The following ZNF292 variants were observed in gnomAD, a reference collection of about 807,000 sequenced individuals.
The protein encoded by ZNF292 is zinc finger protein 292.
Under a neutral mutation model 217.9 loss-of-function variants are expected in ZNF292, and 26 were observed. The observed-to-expected ratio is 0.12, with a 90% CI of 0.09 to 0.17. The LOEUF (loss-of-function observed/expected upper bound fraction) is 0.17. Ranked by LOEUF, ZNF292 falls within the 10% of genes least tolerant of loss-of-function variation. The pLI, the probability that ZNF292 is intolerant of heterozygous loss-of-function variation, is 1.00. For synonymous variants in ZNF292, 1,257 were observed against 1,124.1 expected (o/e 1.12, Z -2.37); for missense variants, 2,904 against 3,175.2 (o/e 0.91, Z 2.05).
intron 7 of ZNF292, among the ~76,000 whole-genome samples, chr6:87,251,190 A>T (rs758585540): frequency 2.6e-5 from 4 of 152,218 alleles, no homozygotes; most frequent in Non-Finnish European, 4.4e-5. Context: ...AAAAGAGGAA[A>T]CTAGAACAGA....
intron 1 of ZNF292, among the ~76,000 whole-genome samples, chr6:87,196,001 C>A (rs965738762): frequency 6.8e-6 from 1 of 147,818 alleles, no homozygotes; most frequent in African/African-American, 2.5e-5. Flanking sequence ...GCACTCCAGC[C>A]TGGGCAGCAG....
intron 7 of ZNF292, chr6:87,249,314 A>T (rs1019280780): frequency 8.3e-6 from 3 of 361,338 alleles, no homozygotes; most frequent in African/African-American, 4.3e-5. Flanking sequence ...TTTTGTAGAG[A>T]TGGGGTCTCA....
At chr6:87,198,111 G>T (rs1207594333) in intron 1 of ZNF292, among the ~76,000 whole-genome samples, 1 of 152,148 alleles carries the variant, frequency 6.6e-6, no homozygotes, top group Admixed American at 6.5e-5. Context: ...CTAGAGATCT[G>T]TGTAACAGAT....
At chr6:87,193,202 T>G (rs1363902941) in intron 1 of ZNF292, among the ~76,000 whole-genome samples, 1 of 152,034 alleles carries the variant, frequency 6.6e-6, no homozygotes, top group Non-Finnish European at 1.5e-5. Context: ...ATCTTAAAGT[T>G]TTTGAACACC....
chr6:87,257,200 A>G lies in ZNF292; in HGVS notation c.3571A>G (p.Ile1191Val), dbSNP rs771958477. 1.9e-6 allele frequency: 3 copies of G among 1,613,786 alleles called. No individual in the cohort carries two copies. The highest frequency in any genetic ancestry group is 1.7e-5 in the Admixed American group (1 of 59,950). The part of the protein sequence containing the change: ...SAQLQHVSPP[I>V]FPAHLASVST... ...CCAGTTGCAGCATGTCTCGCCACCCATTTTTCCAGCTCATTTAGCAAGTGT... is the reference window on the plus strand; with the variant it reads ...CCAGTTGCAGCATGTCTCGCCACCCGTTTTTCCAGCTCATTTAGCAAGTGT... The change falls in exon 8 of 8, where the codon ATT becomes GTT. Residue 1191 changes from isoleucine (I) to valine (V), a missense_variant. Transcript: ENST00000369577.
At chr6:87,162,990 A>G (rs1770801933) in intron 1 of ZNF292, among the ~76,000 whole-genome samples, 2 of 152,142 alleles carry the variant, frequency 1.3e-5, no homozygotes, top group Admixed American at 1.3e-4. Context: ...ACAATGTATT[A>G]TTTTCCAGGA....
chr6:87,184,789 A>G (rs1771589894), intron 1 of ZNF292, among the ~76,000 whole-genome samples: 2 of 152,130 alleles, frequency 1.3e-5, no homozygotes, highest in African/African-American at 4.8e-5. Flanking sequence ...TCAGTGGGAG[A>G]TTGAAAGCTT....
In ZNF292 at chr6:87,265,674, C is replaced by A. The variant is rs1248172574; in HGVS notation, c.*3873C>A. On this transcript the variant is annotated 3_prime_UTR_variant, in exon 8 of 8. Transcript: ENST00000369577. ...ACTTAGTTATATCCCACTGAACTAG[C>A]ATTCTAAAGAACACACTTTGGGAAA... Among the ~76,000 whole-genome samples the A allele has an allele frequency of 6.6e-6, 1 of 152,206 alleles. No individual in the cohort carries two copies.
chr6:87,249,521 T>G (rs1774790145), intron 7 of ZNF292: 1 of 159,858 alleles, frequency 6.3e-6, no homozygotes, highest in South Asian at 1.6e-4. Context: ...TTTTTCCCTT[T>G]TTTTTTCTAC....
intron 5 of ZNF292, among the ~76,000 whole-genome samples, chr6:87,240,481 G>A (rs1275450500): frequency 6.6e-6 from 1 of 152,054 alleles, no homozygotes; most frequent in East Asian, 1.9e-4. Flanking sequence ...GGAGTGCAGT[G>A]GCACCATCTC....
In ZNF292 at chr6:87,233,755, C is replaced by T. The variant is rs1773765356; in HGVS notation, c.741+228C>T. 3 of 655,002 alleles carry T rather than the reference C, an allele frequency of 4.6e-6. No individual in the cohort carries two copies. The South Asian group carries it at 2.0e-4, about 44-fold the overall frequency. 40.6% of individuals were successfully genotyped at this position (655,002 alleles called of 1,614,324 possible). ...TTAAATAATATACATCTTTTAAATG[C>T]TTTGGCTAAATTGTGGGAAAGATAG... On this transcript the variant is annotated intron_variant, in intron 5 of 7. Transcript: ENST00000369577.
intron 1 of ZNF292, among the ~76,000 whole-genome samples, chr6:87,167,808 T>C (rs957712191): frequency 6.6e-6 from 1 of 152,318 alleles, no homozygotes; most frequent in African/African-American, 2.4e-5. Context: ...GAACTAAGAT[T>C]GTGTAGGAAT....
chr6:87,183,592 G>T (rs952888727), intron 1 of ZNF292, among the ~76,000 whole-genome samples: 5 of 152,044 alleles, frequency 3.3e-5, no homozygotes, highest in Non-Finnish European at 5.9e-5. Context: ...CTTTTTAAAA[G>T]ATGTTTATTT....
intron 7 of ZNF292, among the ~76,000 whole-genome samples, chr6:87,249,946 A>G (rs961780872): frequency 1.3e-5 from 2 of 149,844 alleles, no homozygotes; most frequent in African/African-American, 2.5e-5. Flanking sequence ...CTGACCTCAG[A>G]TGATCTGCCC....
chr6:87,162,209 A>G (rs1003290994), intron 1 of ZNF292, among the ~76,000 whole-genome samples: 1 of 152,204 alleles, frequency 6.6e-6, no homozygotes, highest in Non-Finnish European at 1.5e-5. Flanking sequence ...TTTGTTAGCC[A>G]TTATTGGTGC....
chr6:87,161,126 C>A (rs1434373093), intron 1 of ZNF292, among the ~76,000 whole-genome samples: 1 of 152,016 alleles, frequency 6.6e-6, no homozygotes, highest in African/African-American at 2.4e-5. Flanking sequence ...ACTTTCTTAG[C>A]AGAAATTACA....
At chr6:87,167,392 G>C (rs965117689) in intron 1 of ZNF292, among the ~76,000 whole-genome samples, 3 of 152,178 alleles carry the variant, frequency 2.0e-5, no homozygotes, top group African/African-American at 4.8e-5. Context: ...TGTAATCTCA[G>C]CACTTTGGGA....
At chr6:87,224,538 GTTTTGCCT>G (rs1773245705) in intron 4 of ZNF292, among the ~76,000 whole-genome samples, 1 of 151,648 alleles carries the variant, frequency 6.6e-6, no homozygotes. Flanking sequence ...CATCTCTATA[GTTTTGCCT>G]TTTTCAGAAT....
chr6:87,222,323 C>T (rs1259387640), intron 4 of ZNF292, among the ~76,000 whole-genome samples: 1 of 152,032 alleles, frequency 6.6e-6, no homozygotes, highest in Non-Finnish European at 1.5e-5. Context: ...ACATCCATAT[C>T]CGTTGATTAT....
Sources: gnomAD v4.1 joint callset for allele counts (sites outside exome capture counted in the v4.1 genomes callset) on GRCh38, gnomAD v4.1.1 for gene constraint, MANE v1.5 for transcripts, NCBI Gene and HGNC (gene_info 2026-07-23, HGNC 2026-07-21) for gene names.